CSMD3: variants seen among roughly 807,000 people sequenced by gnomAD.
The protein encoded by CSMD3 is CUB and Sushi multiple domains 3, also known as CUB and sushi domain-containing protein 3.
In CSMD3, 177 loss-of-function variants were observed where a neutral mutation model predicts 435.2. The ratio of observed to expected loss-of-function variants is 0.41; its 90% CI spans 0.36 to 0.46. The LOEUF is 0.46. Ranked by LOEUF, CSMD3 falls within the 20% of genes least tolerant of loss-of-function variation. The probability of loss-of-function intolerance (pLI) is 0.34; values close to 1 mark genes in which losing one functional copy is unlikely to be tolerated. For synonymous variants in CSMD3, 1,656 were observed against 1,520.5 expected (o/e 1.09, Z -2.07); for missense variants, 4,265 against 4,504.6 (o/e 0.95, Z 1.52).
intron 1 of CSMD3, among the ~76,000 whole-genome samples, chr8:113,332,177 A>C (rs941279698): frequency 8.6e-5 from 13 of 151,634 alleles, no homozygotes; most frequent in African/African-American, 2.9e-4. Flanking sequence ...TTAGTCTAAA[A>C]AACGTGCATG....
intron 4 of CSMD3, among the ~76,000 whole-genome samples, chr8:113,138,301 A>T (rs1316946474): frequency 1.3e-5 from 2 of 151,396 alleles, no homozygotes; most frequent in Non-Finnish European, 3.0e-5. Flanking sequence ...AGTTGTAACT[A>T]AAAAAATTGA....
At chr8:113,311,432 T>C (rs951887595) in intron 2 of CSMD3, 25 of 152,224 alleles carry the variant, frequency 1.6e-4, no homozygotes, top group Admixed American at 5.9e-4. Context: ...TTTTTTTTCC[T>C]ACATTATTGC....
intron 9 of CSMD3, among the ~76,000 whole-genome samples, chr8:112,945,760 T>C (rs1363772546): frequency 1.3e-5 from 2 of 151,706 alleles, no homozygotes; most frequent in African/African-American, 4.8e-5. Context: ...TTTCTCCTTA[T>C]TTCCTCTACT....
chr8:112,262,413 A>C (rs1431250700), intron 61 of CSMD3, among the ~76,000 whole-genome samples: 1 of 151,124 alleles, frequency 6.6e-6, no homozygotes, highest in Non-Finnish European at 1.5e-5. Context: ...GCAGTGAATA[A>C]AACAAAAAAA....
chr8:113,412,159 G>A (rs1459485058), intron 1 of CSMD3, among the ~76,000 whole-genome samples: 2 of 151,924 alleles, frequency 1.3e-5, no homozygotes, highest in South Asian at 2.1e-4. Flanking sequence ...GGCCGGAAAT[G>A]TTTATTAAGT....
chr8:112,387,237 T>C (rs891185013), intron 36 of CSMD3, among the ~76,000 whole-genome samples: 3 of 152,214 alleles, frequency 2.0e-5, no homozygotes, highest in Non-Finnish European at 4.4e-5. Context: ...AATTATTCTA[T>C]ATTATTGTAA....
At chr8:112,348,422 G>A (rs973353275) in intron 40 of CSMD3, among the ~76,000 whole-genome samples, 1 of 152,014 alleles carries the variant, frequency 6.6e-6, no homozygotes, top group South Asian at 2.1e-4. Context: ...TCCAGTTCAC[G>A]AGGCTGTAGC....
intron 2 of CSMD3, among the ~76,000 whole-genome samples, chr8:113,301,685 G>C (rs1310223364): frequency 6.6e-6 from 1 of 151,714 alleles, no homozygotes; most frequent in Non-Finnish European, 1.5e-5. Flanking sequence ...AAAGCCTTTA[G>C]TATTTCTGAA....
chr8:113,272,902 G>A (rs142006830), intron 3 of CSMD3, among the ~76,000 whole-genome samples: 1 of 152,162 alleles, frequency 6.6e-6, no homozygotes, highest in Non-Finnish European at 1.5e-5. Flanking sequence ...GGGTAAAAAT[G>A]TAGTTAGACA....
chr8:112,244,866 C>G (rs985332560), intron 64 of CSMD3, among the ~76,000 whole-genome samples: 1 of 151,874 alleles, frequency 6.6e-6, no homozygotes, highest in Non-Finnish European at 1.5e-5. Context: ...GTATGCTTTA[C>G]CATTTTAGAG....
At chr8:112,959,135 G>T (rs2084138418) in intron 7 of CSMD3, among the ~76,000 whole-genome samples, 1 of 151,960 alleles carries the variant, frequency 6.6e-6, no homozygotes, top group Non-Finnish European at 1.5e-5. Flanking sequence ...TATGTAATAT[G>T]CAGAACATTT....
At chr8:112,987,738 A>T (rs2085307058) in intron 6 of CSMD3, among the ~76,000 whole-genome samples, 1 of 152,010 alleles carries the variant, frequency 6.6e-6, no homozygotes, top group African/African-American at 2.4e-5. Flanking sequence ...TTTTATTTTC[A>T]CTATATTTCT....
At chr8:113,028,408 A>T (rs993095287) in intron 5 of CSMD3, among the ~76,000 whole-genome samples, 1 of 151,574 alleles carries the variant, frequency 6.6e-6, no homozygotes, top group African/African-American at 2.4e-5. Context: ...ATGGCCTCTA[A>T]GTGTTCAAGT....
At chr8:112,686,416 A>G (rs67112531) in intron 14 of CSMD3, among the ~76,000 whole-genome samples, 50,492 of 151,916 alleles carry the variant, frequency 0.33, 9,255 homozygotes, top group African/African-American at 0.5. Context: ...AACAGAAAAG[A>G]AAATGACATA....
intron 45 of CSMD3, among the ~76,000 whole-genome samples, chr8:112,320,724 T>C (rs539447807): frequency 1.6e-4 from 23 of 147,678 alleles, no homozygotes; most frequent in Admixed American, 1.2e-3. Context: ...AATTCCCACC[T>C]ATGAGTGAAT....
chr8:113,022,165 G>A (rs557748405), intron 5 of CSMD3, among the ~76,000 whole-genome samples: 1 of 151,964 alleles, frequency 6.6e-6, no homozygotes, highest in African/African-American at 2.4e-5. Flanking sequence ...AGGAAATGAG[G>A]GATTGAGAAT....
intron 6 of CSMD3, among the ~76,000 whole-genome samples, chr8:112,983,176 A>G (rs1368838159): frequency 6.6e-6 from 1 of 151,824 alleles, no homozygotes; most frequent in East Asian, 1.9e-4. Flanking sequence ...TCCCTTTTAT[A>G]CCAATAATTA....
chr8:112,343,982 A>C (rs139532809), intron 41 of CSMD3, among the ~76,000 whole-genome samples: 1,761 of 152,256 alleles, frequency 0.012, 18 homozygotes, highest in Non-Finnish European at 0.019. Flanking sequence ...TCCTGGGTTC[A>C]AGCAATTCTG....
chr8:113,196,405 T>G (rs1235750673), intron 3 of CSMD3, among the ~76,000 whole-genome samples: 1 of 151,144 alleles, frequency 6.6e-6, no homozygotes, highest in Non-Finnish European at 1.5e-5. Context: ...TTGGGGTGAA[T>G]AGACTTTAGA....
Sources: allele counts gnomAD v4.1 joint callset (sites outside exome capture counted in the v4.1 genomes callset), GRCh38; gene constraint gnomAD v4.1.1; transcripts MANE v1.5; gene names NCBI Gene and HGNC (gene_info 2026-07-23, HGNC 2026-07-21).